CAP1: variants seen among roughly 807,000 people sequenced by gnomAD.
The protein encoded by CAP1 is adenylyl cyclase-associated protein 1.
Under a neutral mutation model 58.2 loss-of-function variants are expected in CAP1, and 11 were observed. The ratio of observed to expected loss-of-function variants is 0.19; its 90% confidence interval spans 0.12 to 0.31. CAP1 has a LOEUF of 0.31. CAP1 is among the 10% of genes least tolerant of loss of function. The pLI is 1.00. For missense variants in CAP1, 423 were observed against 587.5 expected (o/e 0.72, Z 2.89); for synonymous variants, 183 against 213.8 (o/e 0.86, Z 1.26).
intron 3 of CAP1, 72 bp from the exon 4 acceptor site, chr1:40,061,663 G>A: frequency 2.4e-6 from 3 of 1,231,408 alleles, no homozygotes; most frequent in Non-Finnish European, 3.6e-6. Context: ...GGAAGTAGAG[G>A]TTTCAGGTTA....
Position 40,066,329 on chromosome 1 carries a change from ATCCT to A in CAP1, c.630+14_630+17del. The A allele has an allele frequency of 2.0e-6, 3 of 1,475,434 alleles. No individual in the cohort carries two copies. Among genetic ancestry groups the A allele is most frequent in the Non-Finnish European group, 2.8e-6 (3 of 1,054,142 alleles). 91.4% of individuals were successfully genotyped at this position (1,475,434 alleles called of 1,614,324 possible). A position where few individuals can be genotyped will look rare whatever the true frequency, so the allele number is the denominator to read the frequency against. ...TGGCCTGGAGCAAAACGGTTAGTGA[ATCCT>A]TCCTCCCTCCCTCCCTCCCTCCCAC... On this transcript the variant is annotated intron_variant, in intron 7 of 12. Coordinates refer to ENST00000372805, the MANE Select transcript of CAP1 (RefSeq NM_006367.4).
In CAP1 at chr1:40,066,334, T is replaced by TCCTC. The variant is rs748687235; in HGVS notation, c.630+33_630+36dup. ...TGGAGCAAAACGGTTAGTGAATCCT[T>TCCTC]CCTCCCTCCCTCCCTCCCTCCCACT... On this transcript the variant is annotated intron_variant, in intron 7 of 12. Transcript: ENST00000372805. 2.4e-3 allele frequency: 3,398 copies of TCCTC among 1,392,056 alleles called. 11 individuals carry two copies. Among genetic ancestry groups the TCCTC allele is most frequent in the Non-Finnish European group, 2.4e-3 (2,323 of 978,848 alleles). The allele number at this position is 1,392,056 out of a possible 1,614,324, so 86.2% of individuals were successfully genotyped here. A position where few individuals can be genotyped will look rare whatever the true frequency, so the allele number is the denominator to read the frequency against.
At chr1:40,051,746 T>TTC (rs955530457) in intron 1 of CAP1, among the ~76,000 whole-genome samples, 5 of 152,022 alleles carry the variant, frequency 3.3e-5, no homozygotes, top group African/African-American at 1.2e-4. Context: ...TGGCTAATTT[T>TTC]TTTTATTAGA....
intron 1 of CAP1, among the ~76,000 whole-genome samples, chr1:40,051,886 T>A (rs916037302): frequency 1.3e-5 from 2 of 152,156 alleles, no homozygotes; most frequent in African/African-American, 4.8e-5. Context: ...TTTTGTTTTG[T>A]TTTGTTTTTT....
chr1:40,061,164 T>TA (rs1296028748), intron 3 of CAP1, among the ~76,000 whole-genome samples: 1 of 151,932 alleles, frequency 6.6e-6, no homozygotes, highest in African/African-American at 2.4e-5. Flanking sequence ...TACTTTTTTT[T>TA]TTTTTAACTT....
chr1:40,059,648 AACACAAGAAC>A (rs11276735), intron 2 of CAP1, among the ~76,000 whole-genome samples, 190 bp downstream of exon 2: 1,877 of 152,312 alleles, frequency 0.012, 125 homozygotes, highest in Admixed American at 0.11. Context: ...AAGTTATTTT[AACACAAGAAC>A]TTCCTGCTTG....
chr1:40,058,757 C>T (rs1310181238), intron 1 of CAP1, among the ~76,000 whole-genome samples: 2 of 151,888 alleles, frequency 1.3e-5, no homozygotes, highest in Admixed American at 1.3e-4. Context: ...AGTAAACATC[C>T]TATTCATCTT....
intron 1 of CAP1, among the ~76,000 whole-genome samples, chr1:40,047,199 T>A (rs1489818242): frequency 1.4e-5 from 2 of 139,594 alleles, no homozygotes; most frequent in African/African-American, 5.8e-5. Context: ...TTGACCAAAA[T>A]GTCATTATGT....
intron 1 of CAP1, among the ~76,000 whole-genome samples, chr1:40,047,527 G>T (rs1450361818): frequency 6.6e-6 from 1 of 152,178 alleles, no homozygotes; most frequent in Non-Finnish European, 1.5e-5. Context: ...CCTACTTGTA[G>T]ATGAATCATG....
At chr1:40,068,114 G>T (rs1278602793) in intron 8 of CAP1, among the ~76,000 whole-genome samples, 1 of 152,150 alleles carries the variant, frequency 6.6e-6, no homozygotes, top group Non-Finnish European at 1.5e-5. Flanking sequence ...CCTAATGTTG[G>T]TATAAAGTAG....
At chr1:40,042,851 A>G (rs1570323348) in intron 1 of CAP1, among the ~76,000 whole-genome samples, 1 of 152,124 alleles carries the variant, frequency 6.6e-6, no homozygotes, top group African/African-American at 2.4e-5. Context: ...GATAGAATCC[A>G]TAGAATTGGA....
chr1:40,070,063 G>A, intron 9 of CAP1, 96 bp from the exon 10 acceptor site: 1 of 1,545,216 alleles, frequency 6.5e-7, no homozygotes, highest in Non-Finnish European at 8.8e-7. Context: ...GCAGAGTTCT[G>A]GCTTCAATTG....
At chr1:40,050,958 T>A (rs1406693442) in intron 1 of CAP1, among the ~76,000 whole-genome samples, 1 of 152,208 alleles carries the variant, frequency 6.6e-6, no homozygotes, top group African/African-American at 2.4e-5. Context: ...TAATACTCCA[T>A]GTTCCATGCA....
chr1:40,060,288 T>A lies in CAP1; in HGVS notation c.216+118T>A, dbSNP rs1028670247. On this transcript the variant is annotated intron_variant, in intron 3 of 12. Transcript: ENST00000372805. ...AGAAGTTCCTCTTGGTTTGGGGCATTACACATGTTCTTTCTCTTTTGCCTG... is the reference window on the plus strand; with the variant it reads ...AGAAGTTCCTCTTGGTTTGGGGCATAACACATGTTCTTTCTCTTTTGCCTG... 4 of 664,178 alleles carry A rather than the reference T, an allele frequency of 6.0e-6. No individual in the cohort carries two copies. The African/African-American group carries it at 7.3e-5, about 12-fold the overall frequency. The allele number at this position is 664,178 out of a possible 1,614,324, so 41.1% of individuals were successfully genotyped here.
At chr1:40,068,799 A>G (rs1350777352) in intron 8 of CAP1, among the ~76,000 whole-genome samples, 1 of 150,962 alleles carries the variant, frequency 6.6e-6, no homozygotes, top group Non-Finnish European at 1.5e-5. Context: ...CCCTTAAAAC[A>G]TAAAAGAAAT....
intron 6 of CAP1, among the ~76,000 whole-genome samples, chr1:40,065,781 T>C (rs1411379573): frequency 6.6e-6 from 1 of 152,242 alleles, no homozygotes; most frequent in East Asian, 1.9e-4. Context: ...GCAGTTAAGT[T>C]TCTTAGTCTT....
rs968088420 is a variant in CAP1, at chr1:40,061,832, G to A, written c.294+20G>A. ...GCAGAAGTAAGTTCACTACTAGCTG[G>A]TTTCATTTTGGTTTGATGCTCAGGA... On this transcript the variant is annotated intron_variant, in intron 4 of 12. Transcript: ENST00000372805. The A allele has an allele frequency of 6.3e-7, 1 of 1,597,164 alleles. No homozygotes were observed. Among genetic ancestry groups the A allele is most frequent in the Non-Finnish European group, 8.6e-7 (1 of 1,164,666 alleles).
At chr1:40,061,601 G>T in intron 3 of CAP1, 134 bp from the exon 4 acceptor site, 1 of 744,376 alleles carries the variant, frequency 1.3e-6, no homozygotes, top group Admixed American at 1.9e-5. Flanking sequence ...CCTGGAATCT[G>T]GAATACATGA....
At chr1:40,053,473 G>A (rs113588930) in intron 1 of CAP1, among the ~76,000 whole-genome samples, 3 of 151,380 alleles carry the variant, frequency 2.0e-5, no homozygotes, top group African/African-American at 7.3e-5. Flanking sequence ...TTTTTGAGAT[G>A]GAGTTTTGCT....
Sources: allele counts gnomAD v4.1 joint callset (sites outside exome capture counted in the v4.1 genomes callset), GRCh38; gene constraint gnomAD v4.1.1; transcripts MANE v1.5; gene names NCBI Gene and HGNC (gene_info 2026-07-23, HGNC 2026-07-21).